The following SLC7A14 variants were observed in gnomAD, a reference collection of about 807,000 sequenced individuals.
SLC7A14 encodes the protein gamma-aminobutyric acid transporter SLC7A14.
A neutral mutation model predicts 60.2 loss-of-function variants in SLC7A14; 37 were observed. The ratio of observed to expected loss-of-function variants is 0.61; its 90% CI spans 0.47 to 0.81. SLC7A14 has a LOEUF of 0.81. Ranked by LOEUF, SLC7A14 falls within the 30% of genes least tolerant of loss-of-function variation. The pLI, the probability that SLC7A14 is intolerant of heterozygous loss-of-function variation, is 0.00. For missense variants in SLC7A14, 886 were observed against 982.7 expected (o/e 0.90, Z 1.32); for synonymous variants, 399 against 395.8 (o/e 1.01, Z -0.10).
At chr3:170,514,867 C>T (rs183369067) in intron 2 of SLC7A14, among the ~76,000 whole-genome samples, 121 of 152,290 alleles carry the variant, frequency 7.9e-4, no homozygotes, top group African/African-American at 2.5e-3. Flanking sequence ...TGTGCATGGG[C>T]ATATTAAGCA....
At chr3:170,476,634 G>T (rs1025224988) in intron 7 of SLC7A14, 1 of 152,196 alleles carries the variant, frequency 6.6e-6, no homozygotes, top group African/African-American at 2.4e-5. Flanking sequence ...GTCCATACTT[G>T]TGGACAATGA....
Position 170,480,638 on chromosome 3 carries a change from C to A in SLC7A14, c.1644G>T (p.Leu548=), listed in dbSNP as rs1711780253. ...GCCGGTCCATTTTGCCTGGAAGGCC[C>A]AGCCGGATTCTCATGGTGTAATAAT... The part of the protein sequence containing the change: ...GPHYYTMRIR[L]GLPGKMDRPT... The change falls in exon 7 of 8, where the codon CTG becomes CTT. Residue 548 remains leucine (L), a synonymous_variant. Transcript: ENST00000231706. The A allele has an allele frequency of 6.2e-7, 1 of 1,614,226 alleles. No homozygotes were observed. Among genetic ancestry groups the A allele is most frequent in the African/African-American group, 1.3e-5 (1 of 75,054 alleles).
At chr3:170,574,861 A>G (rs1715048319) in intron 1 of SLC7A14, among the ~76,000 whole-genome samples, 1 of 152,150 alleles carries the variant, frequency 6.6e-6, no homozygotes, top group South Asian at 2.1e-4. Flanking sequence ...CAGGGAATCT[A>G]GTCACCGTAC....
At chr3:170,543,303 A>G (rs900051292) in intron 1 of SLC7A14, among the ~76,000 whole-genome samples, 3 of 152,130 alleles carry the variant, frequency 2.0e-5, no homozygotes, top group Admixed American at 6.5e-5. Context: ...AGGCCATTTT[A>G]CTATGCTCTG....
intron 1 of SLC7A14, among the ~76,000 whole-genome samples, chr3:170,533,377 GT>G (rs1003810498): frequency 1.3e-5 from 2 of 152,204 alleles, no homozygotes; most frequent in Non-Finnish European, 2.9e-5. Flanking sequence ...GTTGTCTGCA[GT>G]TTTGCTCTCT....
chr3:170,488,565 T>G (rs1712110556), intron 4 of SLC7A14, among the ~76,000 whole-genome samples: 1 of 152,250 alleles, frequency 6.6e-6, no homozygotes, highest in African/African-American at 2.4e-5. Flanking sequence ...TCCTTCATTT[T>G]TGACAAAGGT....
chr3:170,561,520 C>G (rs1307434205), intron 1 of SLC7A14, among the ~76,000 whole-genome samples: 3 of 152,114 alleles, frequency 2.0e-5, no homozygotes, highest in Admixed American at 6.5e-5. Flanking sequence ...GTTTGGGAAC[C>G]TCAGTTTCTT....
chr3:170,504,147 A>G (rs1712696337), intron 2 of SLC7A14, among the ~76,000 whole-genome samples: 1 of 152,226 alleles, frequency 6.6e-6, no homozygotes, highest in African/African-American at 2.4e-5. Context: ...CTAGCCTGGC[A>G]TTGAAGCTCA....
intron 1 of SLC7A14, among the ~76,000 whole-genome samples, chr3:170,547,503 A>G (rs1450463140): frequency 1.3e-5 from 2 of 152,224 alleles, no homozygotes; most frequent in Non-Finnish European, 2.9e-5. Flanking sequence ...ACAATAAAAT[A>G]AGCTAGAGAA....
At chr3:170,503,995 T>C (rs923348362) in intron 2 of SLC7A14, among the ~76,000 whole-genome samples, 27 of 152,310 alleles carry the variant, frequency 1.8e-4, no homozygotes, top group Admixed American at 1.3e-4. Flanking sequence ...GGAAAATCAA[T>C]CAGGCACTAA....
chr3:170,523,751 T>A (rs1377347279), intron 2 of SLC7A14, among the ~76,000 whole-genome samples: 1 of 152,138 alleles, frequency 6.6e-6, no homozygotes, highest in Non-Finnish European at 1.5e-5. Context: ...TAGGAGAGTT[T>A]GATTATTGTT....
At chr3:170,573,351 C>A (rs1715002296) in intron 1 of SLC7A14, among the ~76,000 whole-genome samples, 1 of 152,210 alleles carries the variant, frequency 6.6e-6, no homozygotes, top group Non-Finnish European at 1.5e-5. Flanking sequence ...GCCATGCCAC[C>A]TGAGACCATG....
At chr3:170,509,218 T>C (rs1443615885) in intron 2 of SLC7A14, among the ~76,000 whole-genome samples, 1 of 152,210 alleles carries the variant, frequency 6.6e-6, no homozygotes, top group African/African-American at 2.4e-5. Flanking sequence ...GGAATGCCTA[T>C]GTTTCTTTGT....
At chr3:170,537,300 A>G (rs1713877147) in intron 1 of SLC7A14, among the ~76,000 whole-genome samples, 1 of 152,156 alleles carries the variant, frequency 6.6e-6, no homozygotes, top group Non-Finnish European at 1.5e-5. Flanking sequence ...CCAGCAACAT[A>G]GTATCTTCTC....
At position 170,532,985 on chromosome 3, in the gene SLC7A14, T is replaced by G. The variant is rs901135181; in HGVS notation, c.-152-5897A>C. Among the ~76,000 whole-genome samples the G allele has an allele frequency of 4.6e-5, 7 of 152,328 alleles. No individual in the cohort carries two copies. In the East Asian group the frequency reaches 1.4e-3, roughly 29 times the overall value. ...TATGCCTCCTCTCATTCTTCTATAC[T>G]TTTGACTTTTTTCCCCAAGATGCAC... On this transcript the variant is annotated intron_variant, in intron 1 of 7. Transcript: ENST00000231706. The surrounding 1 kb of genome is among the most constrained non-coding windows in gnomAD (Gnocchi z 4.0).
intron 2 of SLC7A14, among the ~76,000 whole-genome samples, chr3:170,503,614 C>T (rs183751322): frequency 1.4e-4 from 21 of 152,242 alleles, no homozygotes; most frequent in Admixed American, 6.5e-4. Flanking sequence ...AACTTTACCA[C>T]CTGATATTGT....
Position 170,526,588 on chromosome 3 carries a change from G to A in SLC7A14, c.304+45C>T, listed in dbSNP as rs373677974. On this transcript the variant is annotated intron_variant, in intron 2 of 7. Coordinates refer to ENST00000231706, the MANE Select transcript of SLC7A14 (RefSeq NM_020949.3). ...AAAGGGGATGAACAGTGACCAGGCT[G>A]GTAAGCACACTTTCCACAGTACTTC... is the stretch of plus-strand genomic sequence containing the variant. 397 of 1,590,090 alleles carry A rather than the reference G, an allele frequency of 2.5e-4. 3 individuals carry two copies. In the South Asian group the frequency reaches 4.2e-3, roughly 17 times the overall value.
rs1403735361 is a variant in SLC7A14 at position 170,532,390 on chromosome 3, G to A, written c.-152-5302C>T. Among the ~76,000 whole-genome samples the A allele has an allele frequency of 6.6e-6, 1 of 152,132 alleles. No homozygotes were observed. Among genetic ancestry groups the A allele is most frequent in the African/African-American group, 2.4e-5 (1 of 41,400 alleles). On this transcript the variant is annotated intron_variant, in intron 1 of 7. Coordinates refer to ENST00000231706, the MANE Select transcript of SLC7A14 (RefSeq NM_020949.3). The surrounding 1 kb of genome is among the most constrained non-coding windows in gnomAD (Gnocchi z 4.0). ...ACCACCTCCCTGCTTTTCTTCCTCT[G>A]GGCTGAGCTCCTGGCTCTGGGTTAA...
chr3:170,572,361 A>G (rs758791481), intron 1 of SLC7A14, among the ~76,000 whole-genome samples: 48 of 152,230 alleles, frequency 3.2e-4, no homozygotes, highest in Admixed American at 1.4e-3. Context: ...AGTCATTCAA[A>G]TTTTATAATC....
Sources: gnomAD v4.1 joint callset for allele counts (sites outside exome capture counted in the v4.1 genomes callset) on GRCh38, gnomAD v4.1.1 for gene constraint, Gnocchi (gnomAD v3.1) non-coding constraint, MANE v1.5 for transcripts, NCBI Gene and HGNC (gene_info 2026-07-23, HGNC 2026-07-21) for gene names.